CD53: variants seen among roughly 807,000 people sequenced by gnomAD.
CD53 encodes CD53 molecule, also known as leukocyte surface antigen CD53.
Under a neutral mutation model 27.3 loss-of-function variants are expected in CD53, and 20 were observed. That is an observed-to-expected ratio of 0.73 (90% CI 0.52 to 1.07). The LOEUF (loss-of-function observed/expected upper bound fraction) is 1.07. CD53 is among the 50% of genes least tolerant of loss of function. CD53 has a pLI of 0.00. For missense variants in CD53, 216 were observed against 264.0 expected, an observed-to-expected ratio of 0.82 and a Z score of 1.26; for synonymous variants, 106 against 105.3, an observed-to-expected ratio of 1.01 and a Z score of -0.04.
chr1:110,898,910 C>T (rs553474647), intron 7 of CD53, among the ~76,000 whole-genome samples: 1 of 152,300 alleles, frequency 6.6e-6, no homozygotes, highest in Admixed American at 6.5e-5. Flanking sequence ...CAGTACTTTA[C>T]AGCCTGTTAT....
chr1:110,896,984 T>C (rs1657093436), intron 6 of CD53, among the ~76,000 whole-genome samples: 2 of 152,186 alleles, frequency 1.3e-5, no homozygotes, highest in African/African-American at 2.4e-5. Flanking sequence ...ACAGTTACTT[T>C]TGTGTGAAAG....
At chr1:110,871,525 A>G (rs77588808), upstream of CD53, among the ~76,000 whole-genome samples, 4 of 152,124 alleles carry the variant, frequency 2.6e-5, no homozygotes, top group Non-Finnish European at 4.4e-5. Context: ...TGGATATTGG[A>G]TTTGAGGTGC....
intron 1 of CD53, among the ~76,000 whole-genome samples, chr1:110,887,068 T>C (rs1338733077): frequency 6.6e-6 from 1 of 150,930 alleles, no homozygotes; most frequent in African/African-American, 2.4e-5. Flanking sequence ...GTTTATTTTA[T>C]TTTATTTTAT....
intron 7 of CD53, among the ~76,000 whole-genome samples, chr1:110,898,350 C>T (rs1426636547): frequency 7.1e-6 from 1 of 141,738 alleles, no homozygotes; most frequent in Admixed American, 7.7e-5. Flanking sequence ...GCACTCCTGC[C>T]TGGGCGACAG....
intron 1 of CD53, among the ~76,000 whole-genome samples, chr1:110,889,306 C>G (rs1358902679): frequency 6.6e-6 from 1 of 151,786 alleles, no homozygotes; most frequent in East Asian, 1.9e-4. Context: ...CCTGTAATCC[C>G]AACACTTTGG....
intron 7 of CD53, among the ~76,000 whole-genome samples, chr1:110,898,356 G>A (rs1310920737): frequency 2.2e-5 from 3 of 137,894 alleles, no homozygotes; most frequent in South Asian, 2.4e-4. Context: ...CTGCCTGGGC[G>A]ACAGAGCGAG....
Position 110,891,395 on chromosome 1 carries a change from A to G in CD53, c.-14A>G. On this transcript the variant is annotated 5_prime_UTR_variant, in exon 2 of 8. Coordinates refer to ENST00000271324, the MANE Select transcript of CD53 (RefSeq NM_000560.4). The stretch of plus-strand genomic sequence containing the variant: ...TTTCTTCTTCCTTATTCCTTAGGGC[A>G]AGAATATCACGGCATGGGCATGAGT... The G allele has an allele frequency of 6.2e-7, 1 of 1,609,854 alleles. No individual in the cohort carries two copies. Among genetic ancestry groups the G allele is most frequent in the Non-Finnish European group, 8.5e-7 (1 of 1,176,108 alleles).
chr1:110,878,978 G>A (rs1226820898), intron 1 of CD53, among the ~76,000 whole-genome samples: 1 of 143,344 alleles, frequency 7.0e-6, no homozygotes. Context: ...GTTCTAATAG[G>A]TACAAATGGA....
At chr1:110,892,843 G>T in intron 3 of CD53, 1 of 239,954 alleles carries the variant, frequency 4.2e-6, no homozygotes, top group Non-Finnish European at 8.1e-6. Context: ...GAAATCAGGT[G>T]TCATCCATCT....
chr1:110,893,630 T>C (rs544042341), intron 3 of CD53, among the ~76,000 whole-genome samples: 1 of 152,318 alleles, frequency 6.6e-6, no homozygotes, highest in Admixed American at 6.5e-5. Context: ...TCTGTATGGG[T>C]CAACTCTTAA....
intron 1 of CD53, among the ~76,000 whole-genome samples, chr1:110,879,146 G>A (rs1296801984): frequency 6.6e-6 from 1 of 152,102 alleles, no homozygotes; most frequent in African/African-American, 2.4e-5. Context: ...TAGAAGCTAA[G>A]GGTTACCCTT....
intron 6 of CD53, 117 bp from the exon 7 acceptor site, chr1:110,897,692 A>G (rs949111971): frequency 3.3e-6 from 2 of 602,666 alleles, no homozygotes; most frequent in South Asian, 2.2e-5. Flanking sequence ...AAAATATAAT[A>G]CCTAAGCCTC....
intron 5 of CD53, among the ~76,000 whole-genome samples, chr1:110,896,441 A>T (rs1657064905): frequency 6.6e-6 from 1 of 152,196 alleles, no homozygotes; most frequent in Admixed American, 6.5e-5. Context: ...TAGATTAAGC[A>T]CAGGGGTCTC....
intron 1 of CD53, among the ~76,000 whole-genome samples, chr1:110,881,407 C>T (rs1320838236): frequency 6.6e-6 from 1 of 152,202 alleles, no homozygotes; most frequent in Non-Finnish European, 1.5e-5. Context: ...TTTTTACATT[C>T]ACCTGTGCTG....
intron 3 of CD53, 125 bp from the exon 4 acceptor site, chr1:110,894,202 G>T: frequency 1.3e-6 from 1 of 755,410 alleles, no homozygotes. Flanking sequence ...GGCTTACAAC[G>T]GCCTGAGGAG....
chr1:110,881,910 T>A (rs1488865252), intron 1 of CD53, among the ~76,000 whole-genome samples: 1 of 152,232 alleles, frequency 6.6e-6, no homozygotes, highest in Non-Finnish European at 1.5e-5. Context: ...CCATATAGTA[T>A]CTTCTTTGGT....
chr1:110,896,443 A>G (rs569049787), intron 5 of CD53, among the ~76,000 whole-genome samples: 1 of 152,332 alleles, frequency 6.6e-6, no homozygotes, highest in East Asian at 1.9e-4. Flanking sequence ...GATTAAGCAC[A>G]GGGGTCTCTA....
intron 1 of CD53, among the ~76,000 whole-genome samples, chr1:110,875,340 C>T (rs1175824228): frequency 6.6e-6 from 1 of 152,150 alleles, no homozygotes; most frequent in Non-Finnish European, 1.5e-5. Flanking sequence ...CTAGGTCCAG[C>T]TCTGGGTGGG....
At chr1:110,874,594 G>C (rs1220450697) in intron 1 of CD53, among the ~76,000 whole-genome samples, 1 of 152,238 alleles carries the variant, frequency 6.6e-6, no homozygotes, top group African/African-American at 2.4e-5. Context: ...TGAAATTGTG[G>C]TTGAATGGGA....
Sources: allele counts gnomAD v4.1 joint callset (sites outside exome capture counted in the v4.1 genomes callset), GRCh38; gene constraint gnomAD v4.1.1; transcripts MANE v1.5; gene names NCBI Gene and HGNC (gene_info 2026-07-23, HGNC 2026-07-21).